The following IL12A variants were observed in gnomAD, a reference collection of about 807,000 sequenced individuals.
IL12A encodes interleukin-12 subunit alpha.
IL12A carries 16 observed loss-of-function variants against 23.5 expected under a neutral mutation model. The observed-to-expected ratio is 0.68, with a 90% CI of 0.46 to 1.03. The LOEUF is 1.03. Ranked by LOEUF, IL12A falls within the 50% of genes least tolerant of loss-of-function variation. The pLI is 0.00. For missense variants in IL12A, 275 were observed against 307.0 expected (o/e 0.90, Z 0.78); for synonymous variants, 106 against 111.5 (o/e 0.95, Z 0.31).
chr3:159,989,024 A>G lies in IL12A; in HGVS notation c.-33A>G, dbSNP rs760980201. ...GAAAGCAAGAGACCAGAGTCCCGGG[A>G]AAGTCCTGCCGCGCCTCGGGACAAT... On this transcript the variant is annotated 5_prime_UTR_variant, in exon 1 of 7. Transcript: ENST00000305579. The G allele has an allele frequency of 1.3e-6, 2 of 1,532,924 alleles. No homozygotes were observed. Among genetic ancestry groups the G allele is most frequent in the East Asian group, 2.3e-5 (1 of 44,422 alleles). The allele number at this position is 1,532,924 out of a possible 1,614,324, so 95.0% of individuals were successfully genotyped here.
At chr3:159,994,895 G>A (rs1055935020) in intron 6 of IL12A, among the ~76,000 whole-genome samples, 1 of 152,152 alleles carries the variant, frequency 6.6e-6, no homozygotes, top group Non-Finnish European at 1.5e-5. Context: ...CATCAAGGGT[G>A]CAAATGTAAG....
rs758221067 is a variant in IL12A, at chr3:159,993,436, A to AT, written c.379-9dup. ...CTAAGAATTAATACTTTGATATATG[A>AT]TTTTTTCCCTCTAGAATGAGAGTTG... On this transcript the variant is annotated splice_polypyrimidine_tract_variant and intron_variant, in intron 3 of 6. Transcript: ENST00000305579. The AT allele has an allele frequency of 1.6e-5, 26 of 1,597,544 alleles. No homozygotes were observed. The Admixed American group carries it at 3.0e-4, about 19-fold the overall frequency.
At chr3:159,993,262 G>T (rs2108046564) in intron 3 of IL12A, 137 bp downstream of exon 3, 1 of 722,388 alleles carries the variant, frequency 1.4e-6, no homozygotes, top group South Asian at 1.9e-5. Context: ...AGTTAGATTT[G>T]GGAGAAAAAT....
chr3:159,995,276 G>A (rs2108048851), intron 6 of IL12A, 128 bp from the exon 7 acceptor site: 2 of 581,168 alleles, frequency 3.4e-6, no homozygotes, highest in South Asian at 3.6e-5. Flanking sequence ...GATTTGGATT[G>A]GGTTTAGGAG....
At position 159,995,688 on chromosome 3, in the gene IL12A, T is replaced by C; in HGVS notation, c.*129T>C. The C allele has an allele frequency of 1.8e-6, 1 of 560,162 alleles. No homozygotes were observed. Among genetic ancestry groups the C allele is most frequent in the Non-Finnish European group, 3.0e-6 (1 of 332,618 alleles). The allele number at this position is 560,162 out of a possible 1,614,324, so 34.7% of individuals were successfully genotyped here. On this transcript the variant is annotated 3_prime_UTR_variant, in exon 7 of 7. Transcript: ENST00000305579. ...GACTATTACATCCACATGATACCTC[T>C]GATCAAGTATTTTTGACATTTACTG...
At chr3:159,989,797 A>T (rs1720235534) in intron 1 of IL12A, among the ~76,000 whole-genome samples, 1 of 152,196 alleles carries the variant, frequency 6.6e-6, no homozygotes, top group African/African-American at 2.4e-5. Flanking sequence ...AAACAAAAAA[A>T]GTCAGGCTTT....
chr3:159,993,113 G>A lies in IL12A; in HGVS notation c.366G>A (p.Leu122=), dbSNP rs1720373891. Residue 122 remains leucine (L), a synonymous_variant, in exon 3 of 7, where the codon TTG becomes TTA. Coordinates refer to ENST00000305579, the MANE Select transcript of IL12A (RefSeq NM_000882.4). ...GCACAGTGGAGGCCTGTTTACCATT[G>A]GAATTAACCAAGGTATAAAGGATTT... The A allele has an allele frequency of 6.4e-7, 1 of 1,555,844 alleles. No homozygotes were observed. The highest frequency in any genetic ancestry group is 8.9e-7 in the Non-Finnish European group (1 of 1,127,374).
At chr3:159,993,187 C>A in intron 3 of IL12A, 62 bp downstream of exon 3, 1 of 933,438 alleles carries the variant, frequency 1.1e-6, no homozygotes, top group Non-Finnish European at 1.7e-6. Flanking sequence ...CAAATCTCAC[C>A]TGCTTCTAAA....
Position 159,993,597 on chromosome 3 carries a change from C to T in IL12A, c.450C>T (p.Thr150=). The T allele has an allele frequency of 6.2e-7, 1 of 1,614,092 alleles. No individual in the cohort carries two copies. Among genetic ancestry groups the T allele is most frequent in the Non-Finnish European group, 8.5e-7 (1 of 1,180,010 alleles). ...GGAGTTGCCTGGCCTCCAGAAAGAC[C>T]TCTTTTATGATGGTAAGACACACAG... is the stretch of plus-strand genomic sequence containing the variant. Residue 150 remains threonine (T), a synonymous_variant, in exon 5 of 7, where the codon ACC becomes ACT. Transcript: ENST00000305579.
rs924789518 is a variant in IL12A at position 159,995,791 on chromosome 3, A to G, written c.*232A>G. ...TCCATCCTGAAGGTGTTTTTCATTC[A>G]CTTTAATAGAAGGGCAAATATTTAT... On this transcript the variant is annotated 3_prime_UTR_variant, in exon 7 of 7. Transcript: ENST00000305579. The G allele has an allele frequency of 7.8e-5, 25 of 321,038 alleles. No homozygotes were observed. The highest frequency in any genetic ancestry group is 1.3e-4 in the Non-Finnish European group (24 of 178,098). The allele number at this position is 321,038 out of a possible 1,614,324, so 19.9% of individuals were successfully genotyped here. A position where few individuals can be genotyped will look rare whatever the true frequency, so the allele number is the denominator to read the frequency against.
At chr3:159,991,463 T>C (rs952763684) in intron 2 of IL12A, among the ~76,000 whole-genome samples, 1 of 152,210 alleles carries the variant, frequency 6.6e-6, no homozygotes, top group Non-Finnish European at 1.5e-5. Context: ...GATTTCAAAA[T>C]TCTAGCTTCT....
intron 6 of IL12A, 59 bp from the exon 7 acceptor site, chr3:159,995,345 G>A: frequency 7.3e-7 from 1 of 1,376,864 alleles, no homozygotes; most frequent in Non-Finnish European, 9.9e-7. Context: ...TCATTTTTAT[G>A]AATGAATATT....
intron 1 of IL12A, 39 bp downstream of exon 1, chr3:159,989,213 TG>T (rs1720215283): frequency 6.5e-7 from 1 of 1,536,782 alleles, no homozygotes; most frequent in East Asian, 2.3e-5. Context: ...CTCGCTCGGG[TG>T]CGGAGGGGCG....
Position 159,995,945 on chromosome 3 carries a change from TATTAA to T in IL12A, c.*391_*395del, listed in dbSNP as rs1202357391. The T allele has an allele frequency of 6.6e-6, 1 of 152,340 alleles. No individual in the cohort carries two copies. Among genetic ancestry groups the T allele is most frequent in the East Asian group, 1.9e-4 (1 of 5,208 alleles). The allele number at this position is 152,340 out of a possible 1,614,324, so 9.4% of individuals were successfully genotyped here. On this transcript the variant is annotated 3_prime_UTR_variant, in exon 7 of 7. Transcript: ENST00000305579. ...AACTTATATTTATTTATGTTATATT[TATTAA>T]ATTATTTATCAAGTGTATTTGAAAA...
chr3:159,990,944 T>C (rs1720285401), intron 2 of IL12A, among the ~76,000 whole-genome samples: 1 of 152,228 alleles, frequency 6.6e-6, no homozygotes, highest in African/African-American at 2.4e-5. Context: ...GGCTAAAGGC[T>C]AATGTTTTAA....
rs1003421753 is a variant in IL12A, at chr3:159,989,088, C to T, written c.32C>T (p.Pro11Leu). The T allele has an allele frequency of 2.5e-6, 4 of 1,613,272 alleles. No homozygotes were observed. Among genetic ancestry groups the T allele is most frequent in the Non-Finnish European group, 3.4e-6 (4 of 1,179,802 alleles). Residue 11 changes from proline (P) to leucine (L), a missense_variant, in exon 1 of 7, where the codon CCG becomes CTG. Coordinates refer to ENST00000305579, the MANE Select transcript of IL12A (RefSeq NM_000882.4). ...CCCCCTGGGTCAGCCTCCCAGCCAC[C>T]GCCCTCACCTGCCGCGGCCACAGGT... is the stretch of plus-strand genomic sequence containing the variant.
At chr3:159,993,926 A>G (rs1442304873) in intron 6 of IL12A, 82 bp downstream of exon 6, 14 of 1,426,958 alleles carry the variant, frequency 9.8e-6, no homozygotes, top group African/African-American at 1.4e-5. Context: ...AGATATAAAA[A>G]GAGGTCTGGA....
chr3:159,993,578 G>T lies in IL12A; in HGVS notation c.431G>T (p.Cys144Phe). The change falls in exon 5 of 7, where the codon TGC becomes TTC. Residue 144 changes from cysteine to phenylalanine, a missense_variant. Cys to Phe is a radical substitution (Grantham distance 205). Coordinates refer to ENST00000305579, the MANE Select transcript of IL12A (RefSeq NM_000882.4). ...TATTTTTTCCTCTAGAATGGGAGTT[G>T]CCTGGCCTCCAGAAAGACCTCTTTT... 1.2e-6 allele frequency: 2 copies of T among 1,614,110 alleles called. No homozygotes were observed. Among genetic ancestry groups the T allele is most frequent in the South Asian group, 2.2e-5 (2 of 91,082 alleles).
At chr3:159,991,006 T>C (rs1720288104) in intron 2 of IL12A, among the ~76,000 whole-genome samples, 1 of 152,238 alleles carries the variant, frequency 6.6e-6, no homozygotes, top group Admixed American at 6.5e-5. Context: ...GAGTATTTTC[T>C]AGCTTGTTGC....
Sources: gnomAD v4.1 joint callset for allele counts (sites outside exome capture counted in the v4.1 genomes callset) on GRCh38, gnomAD v4.1.1 for gene constraint, MANE v1.5 for transcripts, NCBI Gene and HGNC (gene_info 2026-07-23, HGNC 2026-07-21) for gene names.